Variants in FSTL5 observed in about 807,000 individuals in gnomAD.
FSTL5 encodes the protein follistatin-related protein 5.
Under a neutral mutation model 89.1 loss-of-function variants are expected in FSTL5, and 62 were observed. That is an observed-to-expected ratio of 0.70 (90% CI 0.57 to 0.86). The LOEUF is 0.86. Ranked by LOEUF, FSTL5 falls within the 40% of genes least tolerant of loss-of-function variation. The pLI is 0.00. For missense variants in FSTL5, 1,057 were observed against 1,001.6 expected, an observed-to-expected ratio of 1.06 and a Z score of -0.75; for synonymous variants, 383 against 346.2, an observed-to-expected ratio of 1.11 and a Z score of -1.18.
At chr4:161,563,682 T>C (rs1732688962) in intron 8 of FSTL5, among the ~76,000 whole-genome samples, 1 of 152,046 alleles carries the variant, frequency 6.6e-6, no homozygotes, top group Non-Finnish European at 1.5e-5. Flanking sequence ...ATATTACCAC[T>C]GCTCTCTACT....
intron 4 of FSTL5, among the ~76,000 whole-genome samples, chr4:161,862,737 T>A (rs1439966826): frequency 1.4e-4 from 21 of 151,816 alleles, no homozygotes; most frequent in Admixed American, 1.1e-3. Flanking sequence ...TCTCAAAAAA[T>A]AAATAAATAA....
intron 3 of FSTL5, among the ~76,000 whole-genome samples, chr4:162,020,062 T>C (rs1407363840): frequency 2.0e-5 from 3 of 151,604 alleles, no homozygotes; most frequent in African/African-American, 7.3e-5. Context: ...GTCTCATATA[T>C]TATTACATTC....
At chr4:161,770,708 G>A (rs1236971659) in intron 5 of FSTL5, among the ~76,000 whole-genome samples, 2 of 151,742 alleles carry the variant, frequency 1.3e-5, no homozygotes, top group Non-Finnish European at 2.9e-5. Flanking sequence ...ATGAATTTAA[G>A]TATATAATAC....
intron 5 of FSTL5, among the ~76,000 whole-genome samples, chr4:161,763,161 C>T (rs1252860970): frequency 3.3e-5 from 5 of 152,172 alleles, no homozygotes; most frequent in Admixed American, 2.6e-4. Flanking sequence ...TCCTTTTAGA[C>T]TGCCTACTAT....
intron 10 of FSTL5, among the ~76,000 whole-genome samples, chr4:161,537,331 G>A (rs963944524): frequency 6.6e-6 from 1 of 152,136 alleles, no homozygotes; most frequent in African/African-American, 2.4e-5. Flanking sequence ...GAAGAGCAGA[G>A]AACAAGGGGA....
intron 2 of FSTL5, among the ~76,000 whole-genome samples, chr4:162,043,800 T>C (rs1268853603): frequency 6.6e-6 from 1 of 152,098 alleles, no homozygotes; most frequent in Non-Finnish European, 1.5e-5. Flanking sequence ...TCACAAGGAG[T>C]AGATTCCATT....
In FSTL5 at chr4:161,872,617, G is replaced by A. The variant is rs566207529; in HGVS notation, c.409+47787C>T. Among the ~76,000 whole-genome samples, 10 of 152,180 alleles carry A rather than the reference G, an allele frequency of 6.6e-5. No homozygotes were observed. In the East Asian group the frequency reaches 1.4e-3, roughly 21 times the overall value. ...TTTTGGCACTTATGATAAGAGTGGC[G>A]AATAAGAAAGACAAAACGTATTGAG... On this transcript the variant is annotated intron_variant, in intron 4 of 15. Coordinates refer to ENST00000306100, the MANE Select transcript of FSTL5 (RefSeq NM_020116.5).
intron 4 of FSTL5, among the ~76,000 whole-genome samples, chr4:161,821,561 T>C (rs1243057601): frequency 3.3e-5 from 5 of 152,134 alleles, no homozygotes; most frequent in African/African-American, 1.2e-4. Context: ...CTTTTATCCC[T>C]CACCCTCCTC....
At chr4:161,924,055 G>A (rs549359412) in intron 3 of FSTL5, among the ~76,000 whole-genome samples, 9 of 151,738 alleles carry the variant, frequency 5.9e-5, no homozygotes, top group East Asian at 1.9e-4. Flanking sequence ...TCTGATCAAC[G>A]TGTCAAAGAT....
intron 4 of FSTL5, among the ~76,000 whole-genome samples, chr4:161,874,680 T>C (rs1202469760): frequency 6.6e-6 from 1 of 151,964 alleles, no homozygotes; most frequent in African/African-American, 2.4e-5. Flanking sequence ...TACGTTTGAG[T>C]TGATGAATCT....
At chr4:161,654,960 T>G (rs992388450) in intron 7 of FSTL5, among the ~76,000 whole-genome samples, 6 of 152,174 alleles carry the variant, frequency 3.9e-5, no homozygotes, top group African/African-American at 1.4e-4. Flanking sequence ...TTGGTTGCAC[T>G]TTTGAAGCTG....
At chr4:161,769,866 G>A (rs1236559395) in intron 5 of FSTL5, among the ~76,000 whole-genome samples, 1 of 151,444 alleles carries the variant, frequency 6.6e-6, no homozygotes, top group Non-Finnish European at 1.5e-5. Context: ...TCAAATTACT[G>A]TTGTTTGCAG....
intron 6 of FSTL5, among the ~76,000 whole-genome samples, chr4:161,751,790 G>GA (rs397732732): frequency 0.42 from 61,906 of 148,888 alleles, 15,349 homozygotes; most frequent in African/African-American, 0.71. Context: ...CAAAAAAAAA[G>GA]AAAAAAAAAG....
intron 8 of FSTL5, among the ~76,000 whole-genome samples, chr4:161,575,596 G>A (rs1179026660): frequency 6.6e-6 from 1 of 151,994 alleles, no homozygotes; most frequent in East Asian, 1.9e-4. Context: ...TGGGATTACA[G>A]GCACCTGCTA....
intron 8 of FSTL5, among the ~76,000 whole-genome samples, chr4:161,560,565 ATT>A (rs35714314): frequency 4.0e-5 from 6 of 151,302 alleles, no homozygotes; most frequent in Non-Finnish European, 8.8e-5. Context: ...ATTTTATAAG[ATT>A]TTTTTTCTGT....
chr4:161,732,890 T>C (rs185540974), intron 6 of FSTL5, among the ~76,000 whole-genome samples: 50 of 152,030 alleles, frequency 3.3e-4, no homozygotes, highest in Non-Finnish European at 6.6e-4. Context: ...TTTTTATTAC[T>C]GTAGTTTTAT....
intron 3 of FSTL5, among the ~76,000 whole-genome samples, chr4:162,004,292 T>C (rs1162459974): frequency 6.6e-6 from 1 of 152,192 alleles, no homozygotes; most frequent in African/African-American, 2.4e-5. Context: ...TAGCTATTCT[T>C]AACTACTTTC....
chr4:161,900,549 G>A (rs1034353234), intron 4 of FSTL5, among the ~76,000 whole-genome samples: 2 of 144,908 alleles, frequency 1.4e-5, no homozygotes, highest in African/African-American at 5.1e-5. Flanking sequence ...TGAGGCAGGA[G>A]AATCGCTTGA....
At chr4:161,557,280 C>T (rs531010075) in intron 8 of FSTL5, among the ~76,000 whole-genome samples, 1 of 150,590 alleles carries the variant, frequency 6.6e-6, no homozygotes, top group African/African-American at 2.4e-5. Context: ...AATATTTCTG[C>T]ACCTTTACAC....
Sources: allele counts gnomAD v4.1 joint callset (sites outside exome capture counted in the v4.1 genomes callset), GRCh38; gene constraint gnomAD v4.1.1; transcripts MANE v1.5; gene names NCBI Gene and HGNC (gene_info 2026-07-23, HGNC 2026-07-21).